Variants in DNM2 observed in about 807,000 individuals in gnomAD.
DNM2 encodes the protein dynamin-2.
In DNM2, 15 loss-of-function variants were observed where a neutral mutation model predicts 99.0. That is an observed-to-expected ratio of 0.15 (90% confidence interval 0.10 to 0.23). DNM2 has a LOEUF of 0.23. Among genes scored for constraint, DNM2 ranks in the 10% least tolerant of loss-of-function variants. The pLI is 1.00. For synonymous variants in DNM2, 525 were observed against 481.2 expected, an observed-to-expected ratio of 1.09 and a Z score of -1.19; for missense variants, 742 against 1,189.4, an observed-to-expected ratio of 0.62 and a Z score of 5.53.
intron 7 of DNM2, among the ~76,000 whole-genome samples, chr19:10,792,941 C>T (rs922012415): frequency 2.6e-5 from 4 of 152,080 alleles, no homozygotes; most frequent in African/African-American, 7.2e-5. Context: ...TGTGGTCTCA[C>T]TGTGTTGCCC....
At chr19:10,785,766 C>T (rs533489431) in intron 6 of DNM2, among the ~76,000 whole-genome samples, 3 of 152,284 alleles carry the variant, frequency 2.0e-5, no homozygotes, top group African/African-American at 7.2e-5. Context: ...TGGCCAAACT[C>T]TGCTTTACAC....
At position 10,831,859 on chromosome 19, in the gene DNM2, T is replaced by C; in HGVS notation, c.*812T>C. 1 of 1,013,492 alleles carries C rather than the reference T, an allele frequency of 9.9e-7. No individual in the cohort carries two copies. The highest frequency in any genetic ancestry group is 4.0e-5 in the South Asian group (1 of 25,268). The allele number at this position is 1,013,492 out of a possible 1,614,324, so 62.8% of individuals were successfully genotyped here. On this transcript the variant is annotated 3_prime_UTR_variant, in exon 21 of 21. Transcript: ENST00000389253. The surrounding 1 kb of genome is among the most constrained non-coding windows in gnomAD (Gnocchi z 4.3). ...TTGACCACTGTAAGTGCCTGCACTC[T>C]GTATTCTATTAATAAACTAAAATAA... is the stretch of plus-strand genomic sequence containing the variant.
chr19:10,720,439 C>T (rs1394578196), intron 1 of DNM2, among the ~76,000 whole-genome samples: 1 of 152,114 alleles, frequency 6.6e-6, no homozygotes, highest in Admixed American at 6.6e-5. Flanking sequence ...TCTCAAACTA[C>T]TTACCTCAAG....
intron 1 of DNM2, among the ~76,000 whole-genome samples, chr19:10,744,604 G>A (rs1427699326): frequency 2.6e-5 from 4 of 152,054 alleles, no homozygotes; most frequent in Non-Finnish European, 5.9e-5. Context: ...AGTTCACTTG[G>A]GCCCTCAGGG....
At chr19:10,807,957 A>G (rs1397332520) in intron 13 of DNM2, among the ~76,000 whole-genome samples, 1 of 150,568 alleles carries the variant, frequency 6.6e-6, no homozygotes, top group Non-Finnish European at 1.5e-5. Context: ...AGCCTGGCCA[A>G]CATGGTGAAA....
chr19:10,718,535 C>T (rs2068827731), intron 1 of DNM2, 132 bp downstream of exon 1: 2 of 1,206,110 alleles, frequency 1.7e-6, no homozygotes, highest in African/African-American at 3.2e-5. Flanking sequence ...CGGACGGGGT[C>T]GGGGAGGCGG....
At chr19:10,797,244 G>A (rs895523720) in intron 9 of DNM2, 136 bp from the exon 10 acceptor site, 21 of 1,307,590 alleles carry the variant, frequency 1.6e-5, no homozygotes, top group Non-Finnish European at 2.1e-5. Context: ...GGGCAAATGC[G>A]GGCGCAGGCT....
At chr19:10,752,042 A>G (rs1480510746) in intron 1 of DNM2, among the ~76,000 whole-genome samples, 1 of 152,140 alleles carries the variant, frequency 6.6e-6, no homozygotes, top group East Asian at 1.9e-4. Context: ...TTGGTTGGCT[A>G]AACATTTGAA....
intron 1 of DNM2, among the ~76,000 whole-genome samples, chr19:10,731,091 A>C (rs61244955): frequency 0.046 from 6,997 of 152,226 alleles, 191 homozygotes; most frequent in African/African-American, 0.074. Flanking sequence ...TCAAGCGGGC[A>C]GGAGCAGCCC....
At chr19:10,750,286 C>T (rs893322181) in intron 1 of DNM2, among the ~76,000 whole-genome samples, 2 of 152,058 alleles carry the variant, frequency 1.3e-5, no homozygotes, top group African/African-American at 4.8e-5. Flanking sequence ...TGAGACCAGC[C>T]TGGGCAACAT....
At chr19:10,720,338 G>C (rs186558497) in intron 1 of DNM2, among the ~76,000 whole-genome samples, 1 of 151,028 alleles carries the variant, frequency 6.6e-6, no homozygotes, top group Non-Finnish European at 1.5e-5. Flanking sequence ...TCAGCCTCCC[G>C]AGTAGCTGGG....
intron 1 of DNM2, among the ~76,000 whole-genome samples, chr19:10,726,823 G>A (rs1368696997): frequency 6.6e-6 from 1 of 151,842 alleles, no homozygotes; most frequent in Non-Finnish European, 1.5e-5. Context: ...AGATTGCGCC[G>A]CTGCACTCCA....
In DNM2 at chr19:10,817,581, C is replaced by A; in HGVS notation, c.1672-2399C>A. The A allele has an allele frequency of 2.7e-6, 1 of 371,262 alleles. No individual in the cohort carries two copies. Among genetic ancestry groups the A allele is most frequent in the South Asian group, 1.9e-5 (1 of 51,696 alleles). 23.0% of individuals were successfully genotyped at this position (371,262 alleles called of 1,614,324 possible). ...CCGTGCCTCAGCACCTCTGAGCAGC[C>A]AAGGAAACCACCACTCTTCCCGAGA... On this transcript the variant is annotated intron_variant, in intron 15 of 20. Coordinates refer to ENST00000389253, the MANE Select transcript of DNM2 (RefSeq NM_001005361.3). This position sits in a 1 kb window ranked among gnomAD's most constrained non-coding sequence, Gnocchi z 4.6.
intron 1 of DNM2, among the ~76,000 whole-genome samples, chr19:10,739,849 C>CTT (rs2069675587): frequency 9.0e-6 from 1 of 111,472 alleles, no homozygotes; most frequent in Admixed American, 9.9e-5. Flanking sequence ...GAGCAAGACT[C>CTT]TCTCTCTCTC....
intron 7 of DNM2, among the ~76,000 whole-genome samples, chr19:10,791,109 C>G (rs1367101149): frequency 1.3e-5 from 2 of 151,554 alleles, no homozygotes; most frequent in Non-Finnish European, 2.9e-5. Context: ...TCTTTTGAGA[C>G]AAGGTCTCTT....
chr19:10,756,418 T>C (rs900694837), intron 1 of DNM2, among the ~76,000 whole-genome samples: 1 of 152,164 alleles, frequency 6.6e-6, no homozygotes, highest in Non-Finnish European at 1.5e-5. Flanking sequence ...CTCCTTTTCA[T>C]GCAAGCCATG....
intron 1 of DNM2, among the ~76,000 whole-genome samples, chr19:10,722,270 C>T (rs532612989): frequency 6.6e-6 from 1 of 152,284 alleles, no homozygotes; most frequent in African/African-American, 2.4e-5. Flanking sequence ...AGCACTCACC[C>T]AGGCCTAGAT....
At position 10,820,332 on chromosome 19, in the gene DNM2, A is replaced by C. The variant is rs912721766; in HGVS notation, c.1781+243A>C. Among the ~76,000 whole-genome samples, 1 of 152,228 alleles carries C rather than the reference A, an allele frequency of 6.6e-6. No individual in the cohort carries two copies. Among genetic ancestry groups the C allele is most frequent in the Admixed American group, 6.5e-5 (1 of 15,292 alleles). ...GGCAGGCTCCGAGTCAGTGGGAGCC[A>C]TGGAGAGTTCTGAGCACAGGGTGAC... On this transcript the variant is annotated intron_variant, in intron 16 of 20. Coordinates refer to ENST00000389253, the MANE Select transcript of DNM2 (RefSeq NM_001005361.3). This position sits in a 1 kb window ranked among gnomAD's most constrained non-coding sequence, Gnocchi z 4.3.
intron 13 of DNM2, 122 bp from the exon 14 acceptor site, chr19:10,808,442 GCTCTT>G: frequency 1.0e-6 from 1 of 976,896 alleles, no homozygotes; most frequent in South Asian, 1.8e-5. Context: ...TTTTTCCCCT[GCTCTT>G]CTCTTCTCCT....
Sources: allele counts gnomAD v4.1 joint callset (sites outside exome capture counted in the v4.1 genomes callset), GRCh38; gene constraint gnomAD v4.1.1; non-coding constraint Gnocchi (gnomAD v3.1); transcripts MANE v1.5; gene names NCBI Gene and HGNC (gene_info 2026-07-23, HGNC 2026-07-21).